WWOX: variants seen among roughly 807,000 people sequenced by gnomAD.
The protein encoded by WWOX is WW domain-containing oxidoreductase.
In WWOX, 69 loss-of-function variants were observed where a neutral mutation model predicts 46.2. The ratio of observed to expected loss-of-function variants is 1.49; its 90% CI spans 1.23 to 1.82. The LOEUF is 1.82. WWOX is among the 40% of genes most tolerant of loss of function. The pLI, the probability that WWOX is intolerant of heterozygous loss-of-function variation, is 0.00. For synonymous variants in WWOX, 359 were observed against 202.6 expected (o/e 1.77, Z -6.56); for missense variants, 919 against 542.6 (o/e 1.69, Z -6.89).
At chr16:78,797,655 A>G (rs539573190) in intron 8 of WWOX, among the ~76,000 whole-genome samples, 1 of 152,150 alleles carries the variant, frequency 6.6e-6, no homozygotes, top group African/African-American at 2.4e-5. Context: ...AGGAACTATG[A>G]TAAGTAGCAA....
intron 8 of WWOX, among the ~76,000 whole-genome samples, chr16:78,583,551 A>T (rs1342579884): frequency 6.6e-6 from 1 of 152,206 alleles, no homozygotes; most frequent in Non-Finnish European, 1.5e-5. Flanking sequence ...TGCACTTGGC[A>T]GCAATTCCTT....
chr16:78,580,885 T>C (rs2045034732), intron 8 of WWOX, among the ~76,000 whole-genome samples: 1 of 152,234 alleles, frequency 6.6e-6, no homozygotes, highest in Non-Finnish European at 1.5e-5. Context: ...TGGTAGTGTC[T>C]GCCCACCCAG....
chr16:78,167,395 C>A (rs11150044), intron 5 of WWOX: 55,280 of 151,838 alleles, frequency 0.36, 10,407 homozygotes, highest in East Asian at 0.49. Context: ...AGTCAATTTC[C>A]GATGATAGAA....
chr16:79,129,360 C>G (rs142975419), intron 8 of WWOX, among the ~76,000 whole-genome samples: 14 of 148,064 alleles, frequency 9.5e-5, no homozygotes, highest in South Asian at 2.2e-4. Flanking sequence ...CCTCTCAGTG[C>G]CTTAAAATTT....
rs180861184 is a variant in WWOX, at chr16:78,348,302, G to C, written c.517-38558G>C. 5.8e-4 allele frequency among the ~76,000 whole-genome samples: 70 copies of C among 121,114 alleles called. 11 individuals are homozygous for C. Among genetic ancestry groups the C allele is most frequent in the East Asian group, 2.7e-3 (14 of 5,162 alleles). 79.5% of individuals were successfully genotyped at this position (121,114 alleles called of 152,430 possible). A position where few individuals can be genotyped will look rare whatever the true frequency, so the allele number is the denominator to read the frequency against. ...ATTTGAAAGGTTACGTACAAGTCAA[G>C]CTGCCTCTGTAATGTCACTTATATC... On this transcript the variant is annotated intron_variant, in intron 5 of 8. Coordinates refer to ENST00000566780, the MANE Select transcript of WWOX (RefSeq NM_016373.4).
chr16:78,386,724 T>C, intron 5 of WWOX, 136 bp from the exon 6 acceptor site: 2 of 619,584 alleles, frequency 3.2e-6, no homozygotes, highest in Non-Finnish European at 5.4e-6. Context: ...TTCATTCCGA[T>C]GATTTATATT....
chr16:79,034,736 C>T (rs1455977571), intron 8 of WWOX, among the ~76,000 whole-genome samples: 2 of 152,012 alleles, frequency 1.3e-5, no homozygotes, highest in Non-Finnish European at 2.9e-5. Flanking sequence ...CTGATCAGAG[C>T]ATACCTGCCG....
At chr16:78,679,587 C>G (rs187654791) in intron 8 of WWOX, among the ~76,000 whole-genome samples, 1 of 152,158 alleles carries the variant, frequency 6.6e-6, no homozygotes, top group Admixed American at 6.6e-5. Flanking sequence ...AAATATAATA[C>G]AGACACAGGC....
intron 8 of WWOX, among the ~76,000 whole-genome samples, chr16:79,025,712 C>A (rs112131627): frequency 6.6e-6 from 1 of 151,968 alleles, no homozygotes; most frequent in Non-Finnish European, 1.5e-5. Context: ...AACTAATATA[C>A]CCTTTAATGA....
chr16:78,992,259 C>T (rs1056359473), intron 8 of WWOX, among the ~76,000 whole-genome samples: 2 of 152,132 alleles, frequency 1.3e-5, no homozygotes, highest in African/African-American at 4.8e-5. Flanking sequence ...GACCAACTCC[C>T]TTATCTGCCT....
chr16:78,479,226 AT>A (rs2084429922), intron 8 of WWOX, among the ~76,000 whole-genome samples: 1 of 152,252 alleles, frequency 6.6e-6, no homozygotes, highest in Non-Finnish European at 1.5e-5. Context: ...TACGTATTGA[AT>A]ACCTACTATG....
chr16:78,854,277 T>G (rs1215086078), intron 8 of WWOX, among the ~76,000 whole-genome samples: 2 of 152,216 alleles, frequency 1.3e-5, no homozygotes, highest in African/African-American at 4.8e-5. Flanking sequence ...GAAAAGATGT[T>G]ACTATGCAGG....
intron 8 of WWOX, among the ~76,000 whole-genome samples, chr16:78,549,906 G>A (rs1055010519): frequency 2.0e-5 from 3 of 151,938 alleles, no homozygotes; most frequent in African/African-American, 4.8e-5. Flanking sequence ...AAATAAACAA[G>A]GACAGAGTTG....
chr16:78,156,161 C>G (rs930965010), intron 4 of WWOX, among the ~76,000 whole-genome samples: 2 of 152,162 alleles, frequency 1.3e-5, no homozygotes, highest in African/African-American at 4.8e-5. Context: ...TAACTACAGT[C>G]AGGAATTCTC....
At chr16:78,564,120 A>G (rs2044506465) in intron 8 of WWOX, among the ~76,000 whole-genome samples, 1 of 152,242 alleles carries the variant, frequency 6.6e-6, no homozygotes, top group Admixed American at 6.5e-5. Flanking sequence ...CCTTGCTGAC[A>G]GCAGACACCT....
At chr16:78,483,125 G>A (rs990135656) in intron 8 of WWOX, among the ~76,000 whole-genome samples, 1 of 152,132 alleles carries the variant, frequency 6.6e-6, no homozygotes, top group Non-Finnish European at 1.5e-5. Context: ...GATGGCTCTC[G>A]ATATGCATGA....
At position 78,571,702 on chromosome 16, in the gene WWOX, C is replaced by G. The variant is rs118169100; in HGVS notation, c.1056+138950C>G. 2.5e-3 allele frequency among the ~76,000 whole-genome samples: 376 copies of G among 152,206 alleles called. 1 individual carries two copies. The highest frequency in any genetic ancestry group is 4.0e-3 in the Non-Finnish European group (273 of 68,030). Reference sequence around the variant, plus strand: ...TGGCCAACATGGTGAAACCCCTTCTCTACTAAAAATAGAAAATTAGCCAGG... The same window carrying G: ...TGGCCAACATGGTGAAACCCCTTCTGTACTAAAAATAGAAAATTAGCCAGG... On this transcript the variant is annotated intron_variant, in intron 8 of 8. Coordinates refer to ENST00000566780, the MANE Select transcript of WWOX (RefSeq NM_016373.4).
At position 78,435,790 on chromosome 16, in the gene WWOX, A is replaced by G. The variant is rs754660027; in HGVS notation, c.1056+3038A>G. Among the ~76,000 whole-genome samples the G allele has an allele frequency of 5.3e-5, 8 of 152,182 alleles. No homozygotes were observed. The East Asian group carries it at 7.7e-4, about 15-fold the overall frequency. ...CCTTGACCACTGGAACAACTTAGACATGTCACCAGCTTTCTGAGCCTGTCT... is the reference window on the plus strand; with the variant it reads ...CCTTGACCACTGGAACAACTTAGACGTGTCACCAGCTTTCTGAGCCTGTCT... On this transcript the variant is annotated intron_variant, in intron 8 of 8. Coordinates refer to ENST00000566780, the MANE Select transcript of WWOX (RefSeq NM_016373.4).
chr16:78,477,979 C>G (rs1236415292), intron 8 of WWOX, among the ~76,000 whole-genome samples: 1 of 152,112 alleles, frequency 6.6e-6, no homozygotes, highest in Admixed American at 6.6e-5. Context: ...ATAAAAGCTG[C>G]AATAGGTTTT....
Sources: allele counts gnomAD v4.1 joint callset (sites outside exome capture counted in the v4.1 genomes callset), GRCh38; gene constraint gnomAD v4.1.1; transcripts MANE v1.5; gene names NCBI Gene and HGNC (gene_info 2026-07-23, HGNC 2026-07-21).